PRRT4: variants seen among roughly 807,000 people sequenced by gnomAD.
PRRT4 encodes the protein proline rich transmembrane protein 4.
In PRRT4, 59 loss-of-function variants were observed where a neutral mutation model predicts 55.6. The ratio of observed to expected loss-of-function variants is 1.06; its 90% CI spans 0.86 to 1.32. The LOEUF (loss-of-function observed/expected upper bound fraction) is 1.32, where lower values mean the gene tolerates loss of function less well. Among genes scored for constraint, PRRT4 ranks in the 40% most tolerant of loss-of-function variants. The pLI is 0.00. For synonymous variants in PRRT4, 606 were observed against 601.8 expected, an observed-to-expected ratio of 1.01 and a Z score of -0.10; for missense variants, 1,217 against 1,222.0, an observed-to-expected ratio of 1.00 and a Z score of 0.06.
At chr7:128,359,528 C>G in exon 2 of PRRT4, 1 of 1,480,286 alleles carries the variant, frequency 6.8e-7, no homozygotes, top group South Asian at 1.4e-5. Context: ...AGCAGTGTCC[C>G]AGGTCACAGT....
At chr7:128,351,630 C>G (rs1220956402) in exon 5 of PRRT4, 2 of 1,513,904 alleles carry the variant, frequency 1.3e-6, no homozygotes, top group Admixed American at 2.1e-5. Context: ...CCGCGTGGCC[C>G]GGGGACAAGC....
intron 1 of PRRT4, among the ~76,000 whole-genome samples, 195 bp downstream of exon 2, chr7:128,361,103 TCACACACA>T (rs71160634): frequency 1.4e-4 from 11 of 77,564 alleles, no homozygotes; most frequent in South Asian, 5.3e-4. Flanking sequence ...TCTCTCTCTC[TCACACACA>T]CACACACACA....
At chr7:128,353,104 T>A (rs972800105) in intron 4 of PRRT4, among the ~76,000 whole-genome samples, 1 of 152,090 alleles carries the variant, frequency 6.6e-6, no homozygotes, top group African/African-American at 2.4e-5. Context: ...TGAATCTCCA[T>A]ACTTAAATTA....
At chr7:128,350,503 C>G (rs1796931938), downstream of PRRT4, 1 of 300,766 alleles carries the variant, frequency 3.3e-6, no homozygotes, top group Non-Finnish European at 6.3e-6. Context: ...TGAGGCAGGT[C>G]CCAGGGTCCT....
exon 5 of PRRT4, chr7:128,351,175 G>A (rs1796953144): frequency 2.6e-6 from 4 of 1,544,370 alleles, no homozygotes; most frequent in Non-Finnish European, 3.5e-6. Context: ...TGCGGGCCAA[G>A]CCCCAGGGGA....
rs73458955 is a variant in PRRT4, at chr7:128,359,237, A to T, written c.669T>A (p.Thr223=). ...CGGAGAAGTTCCGGAGTGGGGACAG[A>T]GTAGTGCCAAAGAATCCTGCAAAAG... Residue 223 remains threonine, a synonymous_variant, in exon 3 of 5, where the codon ACT becomes ACA. Transcript: ENST00000535159. 8.9e-4 allele frequency: 1,373 copies of T among 1,551,244 alleles called. 8 individuals are homozygous for T. In the African/African-American group the frequency reaches 0.017, roughly 19 times the overall value.
In PRRT4 at chr7:128,358,327, G is replaced by A. The variant is rs1394359315; in HGVS notation, c.877+354C>T. Among the ~76,000 whole-genome samples the A allele has an allele frequency of 1.3e-5, 2 of 152,206 alleles. No homozygotes were observed. Among genetic ancestry groups the A allele is most frequent in the Non-Finnish European group, 2.9e-5 (2 of 68,042 alleles). ...CAGATGGCAAAGGAAAGAGCCCCAA[G>A]GTTGGTGGGGAGTCAGGTCAGGCAG... is the stretch of plus-strand genomic sequence containing the variant. On this transcript the variant is annotated intron_variant, in intron 4 of 4. Transcript: ENST00000535159. This position sits in a 1 kb window ranked among gnomAD's most constrained non-coding sequence, Gnocchi z 4.4.
exon 2 of PRRT4, chr7:128,359,776 T>C (rs1797203246): frequency 6.5e-7 from 1 of 1,543,130 alleles, no homozygotes; most frequent in Non-Finnish European, 8.7e-7. Context: ...GCTGGGTCTC[T>C]GTGACTGGGC....
At chr7:128,361,710 C>A, upstream of PRRT4, 1 of 152,774 alleles carries the variant, frequency 6.5e-6, no homozygotes, top group South Asian at 1.8e-4. Flanking sequence ...CCCGTCCGCC[C>A]GCCCTCGCTC....
downstream of PRRT4, chr7:128,350,841 A>AAGGTGGCC (rs1562964702): frequency 6.5e-7 from 1 of 1,549,426 alleles, no homozygotes. Context: ...GCAGGGTAGC[A>AAGGTGGCC]AGGTGGCCAC....
At position 128,358,240 on chromosome 7, in the gene PRRT4, C is replaced by G. The variant is rs545490324; in HGVS notation, c.877+441G>C. On this transcript the variant is annotated intron_variant, in intron 4 of 4. Transcript: ENST00000535159. The surrounding 1 kb of genome is among the most constrained non-coding windows in gnomAD (Gnocchi z 4.4). ...GCATCTGCCTGCTCAAGGTCTCCTCCTCAGTGTCTTCCCAATGAGAAACCC... is the reference window on the plus strand; with the variant it reads ...GCATCTGCCTGCTCAAGGTCTCCTCGTCAGTGTCTTCCCAATGAGAAACCC... Among the ~76,000 whole-genome samples, 3 of 152,202 alleles carry G rather than the reference C, an allele frequency of 2.0e-5. No individual in the cohort carries two copies. In the South Asian group the frequency reaches 6.2e-4, roughly 32 times the overall value.
At chr7:128,351,707 G>C in exon 5 of PRRT4, 2 of 1,492,514 alleles carry the variant, frequency 1.3e-6, no homozygotes, top group East Asian at 5.5e-5. Context: ...AGGCCCAGCA[G>C]CGCCAACGGG....
In PRRT4 at chr7:128,358,644, T is replaced by TA. The variant is rs1313479274; in HGVS notation, c.877+36dup. 7 of 1,541,804 alleles carry TA rather than the reference T, an allele frequency of 4.5e-6. No homozygotes were observed. In the Admixed American group the frequency reaches 5.9e-5, roughly 13 times the overall value. ...TGACTAGCATGTAGTAAGTGCTCAA[T>TA]AAATAATTGTCAAGTTCAAATGAAT... On this transcript the variant is annotated intron_variant, in intron 4 of 4. Coordinates refer to ENST00000535159, the Ensembl canonical transcript of PRRT4. The surrounding 1 kb of genome is among the most constrained non-coding windows in gnomAD (Gnocchi z 4.4).
rs563196601 is a variant in PRRT4 at position 128,359,361 on chromosome 7, C to A, written c.631G>T (p.Ala211Ser). ...TCACCAAAGGGTCCCAGGCGCCCAG[C>A]AATCTCTGCCAGGCTGGCCCGCAGG... is the stretch of plus-strand genomic sequence containing the variant. The change falls in exon 2 of 5, where the codon GCT (alanine) becomes TCT (serine). Residue 211 changes from alanine (A) to serine (S), a missense_variant. By Grantham distance (99) the Ala-to-Ser change is moderately conservative (BLOSUM62 1). Around this residue, in one of 3 missense-constraint regions of PRRT4, gnomAD observed 564 missense variants for 592.9 expected, o/e 0.95. Coordinates refer to ENST00000535159, the Ensembl canonical transcript of PRRT4. 4 of 1,474,238 alleles carry A rather than the reference C, an allele frequency of 2.7e-6. No individual in the cohort carries two copies. In the Admixed American group the frequency reaches 1.1e-4, roughly 40 times the overall value. 91.3% of individuals were successfully genotyped at this position (1,474,238 alleles called of 1,614,324 possible).
rs546882474 is a variant in PRRT4 at position 128,359,511 on chromosome 7, C to T, written c.481G>A (p.Val161Met). ...GGAGCACTGGATGGAAGTGCTGTCA[C>T]CATCAGAGCAGTGTCCCAGGTCACA... Residue 161 changes from valine to methionine, a missense_variant, in exon 2 of 5, where the codon GTG becomes ATG. By Grantham distance (21) the Val-to-Met change is conservative (BLOSUM62 1). Coordinates refer to ENST00000535159, the Ensembl canonical transcript of PRRT4. The T allele has an allele frequency of 1.7e-5, 25 of 1,470,112 alleles. No homozygotes were observed. The highest frequency in any genetic ancestry group is 1.6e-4 in the South Asian group (11 of 69,492). 91.1% of individuals were successfully genotyped at this position (1,470,112 alleles called of 1,614,324 possible).
At position 128,358,663 on chromosome 7, in the gene PRRT4, A is replaced by G; in HGVS notation, c.877+18T>C. The stretch of plus-strand genomic sequence containing the variant: ...GCTCAATAAATAATTGTCAAGTTCA[A>G]ATGAATTGGATACTTACCTAATGAT... On this transcript the variant is annotated intron_variant, in intron 4 of 4. Transcript: ENST00000535159. This position sits in a 1 kb window ranked among gnomAD's most constrained non-coding sequence, Gnocchi z 4.4. The G allele has an allele frequency of 6.4e-7, 1 of 1,551,050 alleles. No homozygotes were observed.
intron 4 of PRRT4, among the ~76,000 whole-genome samples, chr7:128,353,412 C>G (rs1347304966): frequency 6.6e-6 from 1 of 152,114 alleles, no homozygotes; most frequent in African/African-American, 2.4e-5. Flanking sequence ...CCCACCTTAT[C>G]TCCATCTCAA....
At position 128,352,197 on chromosome 7, in the gene PRRT4, CA is replaced by C; in HGVS notation, c.1358del (p.Leu453ArgfsTer118). On this transcript the variant is annotated frameshift_variant, in exon 5 of 5. Transcript: ENST00000535159. LOFTEE classifies it high-confidence loss of function. ...GCGGCGGGCGCGGCCGGGCCAGCAG[CA>C]GGCAGGCCAGCCCCAGGCCGGCAGC... 1.3e-6 allele frequency: 2 copies of C among 1,490,674 alleles called. No homozygotes were observed. Among genetic ancestry groups the C allele is most frequent in the Non-Finnish European group, 8.9e-7 (1 of 1,127,568 alleles). The allele number at this position is 1,490,674 out of a possible 1,614,324, so 92.3% of individuals were successfully genotyped here. A position where few individuals can be genotyped will look rare whatever the true frequency, so the allele number is the denominator to read the frequency against.
rs150217894 is a variant in PRRT4, at chr7:128,354,964, A to T, written c.878-2286T>A. 1.6e-4 allele frequency among the ~76,000 whole-genome samples: 24 copies of T among 152,322 alleles called. No individual in the cohort carries two copies. The East Asian group carries it at 4.6e-3, about 29-fold the overall frequency. ...CAGTCAAGATTGTGTCGTTATCATG[A>T]TCATCAGCTAATGTTCATCACTGAT... On this transcript the variant is annotated intron_variant, in intron 4 of 4. Coordinates refer to ENST00000535159, the Ensembl canonical transcript of PRRT4.
Sources: allele counts gnomAD v4.1 joint callset (sites outside exome capture counted in the v4.1 genomes callset), GRCh38; gene constraint gnomAD v4.1.1; regional missense constraint gnomAD v4.1.1; non-coding constraint Gnocchi (gnomAD v3.1); transcripts MANE v1.5; gene names NCBI Gene and HGNC (gene_info 2026-07-23, HGNC 2026-07-21).